TRIM10: variants seen among roughly 807,000 people sequenced by gnomAD.
TRIM10 encodes tripartite motif containing 10, also known as tripartite motif-containing protein 10.
A neutral mutation model predicts 40.0 loss-of-function variants in TRIM10; 42 were observed. The observed-to-expected ratio is 1.05, with a 90% CI of 0.82 to 1.36. The LOEUF is 1.36. Ranked by LOEUF, TRIM10 falls within the 40% of genes most tolerant of loss-of-function variation. TRIM10 has a pLI of 0.00. For missense variants in TRIM10, 601 were observed against 608.3 expected (o/e 0.99, Z 0.13); for synonymous variants, 260 against 239.5 (o/e 1.09, Z -0.79).
In TRIM10 at chr6:30,153,898, G is replaced by C. The variant is rs1413860881; in HGVS notation, c.*71C>G. The C allele has an allele frequency of 6.3e-7, 1 of 1,584,674 alleles. No individual in the cohort carries two copies. The highest frequency in any genetic ancestry group is 2.2e-5 in the East Asian group (1 of 44,502). On this transcript the variant is annotated 3_prime_UTR_variant, in exon 7 of 7. Coordinates refer to ENST00000449742, the MANE Select transcript of TRIM10 (RefSeq NM_006778.4). ...CAAGTCATCCAGGTGATTCAGCCAG[G>C]GATCAAGTCCACATGGTACTTGGGT...
rs978098251 is a variant in TRIM10 at position 30,157,447 on chromosome 6, T to G, written c.757-56A>C. On this transcript the variant is annotated intron_variant, in intron 3 of 6. Coordinates refer to ENST00000449742, the MANE Select transcript of TRIM10 (RefSeq NM_006778.4). ...TCCAGCTTCTCCTTTCCATTTTTCT[T>G]TCCTTTCTTTTTCTACTTTTATTTT... 9 of 1,510,864 alleles carry G rather than the reference T, an allele frequency of 6.0e-6. No homozygotes were observed. In the African/African-American group the frequency reaches 1.3e-4, roughly 21 times the overall value. 93.6% of individuals were successfully genotyped at this position (1,510,864 alleles called of 1,614,324 possible). A position where few individuals can be genotyped will look rare whatever the true frequency, so the allele number is the denominator to read the frequency against.
chr6:30,161,286 C>A (rs1773067063), upstream of TRIM10, among the ~76,000 whole-genome samples: 1 of 152,130 alleles, frequency 6.6e-6, no homozygotes, highest in Non-Finnish European at 1.5e-5. Context: ...TGCCATATGG[C>A]CAGCTGTCTC....
chr6:30,156,346 T>C (rs755604808), intron 5 of TRIM10, among the ~76,000 whole-genome samples: 63 of 152,172 alleles, frequency 4.1e-4, no homozygotes, highest in Non-Finnish European at 7.1e-4. Context: ...CATTCTGTCA[T>C]GGTTAGTGAG....
chr6:30,161,398 C>G (rs1277748462), upstream of TRIM10, among the ~76,000 whole-genome samples: 1 of 152,128 alleles, frequency 6.6e-6, no homozygotes, highest in South Asian at 2.1e-4. Context: ...TACACTGCAC[C>G]AGCAACTTCA....
At chr6:30,154,676 A>G in intron 6 of TRIM10, 190 bp from the exon 7 acceptor site, 2 of 752,098 alleles carry the variant, frequency 2.7e-6, no homozygotes, top group Non-Finnish European at 4.6e-6. Context: ...TCTGCATCCT[A>G]ACAAGATGCC....
In TRIM10 at chr6:30,154,014, GA is replaced by G. The variant is rs1562113232; in HGVS notation, c.1400del (p.Phe467SerfsTer13). The G allele has an allele frequency of 2.5e-6, 4 of 1,609,064 alleles. No individual in the cohort carries two copies. Among genetic ancestry groups the G allele is most frequent in the Non-Finnish European group, 3.4e-6 (4 of 1,176,754 alleles). ...TGGACCCTCGGCCCCAGAGCCCAAA[GA>G]AGGGAATGACCTTCCTAGTGAAGGA... ...TASFTRKVIPFFGLWGRGSSF... is the reference protein window; with the variant it reads ...TASFTRKVIPXFGLWGRGSSF... On this transcript the variant is annotated frameshift_variant, in exon 7 of 7. Transcript: ENST00000449742. LOFTEE classifies it high-confidence loss of function.
intron 5 of TRIM10, among the ~76,000 whole-genome samples, chr6:30,156,580 TC>T (rs1772550182): frequency 6.6e-6 from 1 of 152,246 alleles, no homozygotes; most frequent in Non-Finnish European, 1.5e-5. Flanking sequence ...TTAACAATGT[TC>T]ATCATCAAAA....
Position 30,160,651 on chromosome 6 carries a change from G to C in TRIM10, c.208C>G (p.Arg70Gly). The C allele has an allele frequency of 6.2e-7, 1 of 1,614,238 alleles. No individual in the cohort carries two copies. The highest frequency in any genetic ancestry group is 8.5e-7 in the Non-Finnish European group (1 of 1,180,042). ...ACGTTAGCCAGCTGCCAGTTGGGCC[G>C]GAAGCTCCCAGGACGGAAGGGTTCT... ...CKEPFRPGSF[R>G]PNWQLANVVE... The change falls in exon 1 of 7, where the codon CGG (arginine) becomes GGG (glycine). Residue 70 changes from arginine (R) to glycine (G), a missense_variant. Transcript: ENST00000449742.
intron 4 of TRIM10, 69 bp from the exon 5 acceptor site, chr6:30,157,123 A>C: frequency 6.8e-7 from 1 of 1,465,960 alleles, no homozygotes; most frequent in South Asian, 1.2e-5. Context: ...TCAGCTGGTC[A>C]TCTTCTAATA....
upstream of TRIM10, among the ~76,000 whole-genome samples, chr6:30,162,046 C>CGGG (rs554862512): frequency 9.7e-4 from 104 of 107,726 alleles, 1 homozygote; most frequent in South Asian, 0.028. Context: ...GAGGCCTAGG[C>CGGG]GGGCGGATCA....
intron 6 of TRIM10, among the ~76,000 whole-genome samples, chr6:30,154,952 A>T (rs1772386985): frequency 1.3e-5 from 2 of 151,890 alleles, no homozygotes; most frequent in South Asian, 2.1e-4. Context: ...GGCACTGGTG[A>T]CTCATTTACA....
At chr6:30,162,137 G>C (rs963841978), upstream of TRIM10, among the ~76,000 whole-genome samples, 2 of 151,920 alleles carry the variant, frequency 1.3e-5, no homozygotes, top group African/African-American at 2.4e-5. Flanking sequence ...TTAGCCTGGC[G>C]TGCTGGCCGG....
chr6:30,157,264 A>G, intron 4 of TRIM10, 105 bp downstream of exon 4: 1 of 1,249,198 alleles, frequency 8.0e-7, no homozygotes, highest in Non-Finnish European at 1.1e-6. Context: ...GTAAATTTGT[A>G]TCCTTAAGTG....
At chr6:30,154,630 A>G (rs1772357485) in intron 6 of TRIM10, 144 bp from the exon 7 acceptor site, 2 of 1,007,752 alleles carry the variant, frequency 2.0e-6, no homozygotes, top group Non-Finnish European at 3.0e-6. Flanking sequence ...ACAGTGTGGA[A>G]CCACCTGGGA....
At chr6:30,160,409 C>T (rs1227090390) in intron 1 of TRIM10, 21 bp downstream of exon 1, 1 of 1,604,400 alleles carries the variant, frequency 6.2e-7, no homozygotes, top group Admixed American at 1.7e-5. Flanking sequence ...ACCCTGGGAT[C>T]CCCCAGTTCC....
At position 30,160,818 on chromosome 6, in the gene TRIM10, A is replaced by C; in HGVS notation, c.41T>G (p.Val14Gly). 2 of 1,613,220 alleles carry C rather than the reference A, an allele frequency of 1.2e-6. No homozygotes were observed. Among genetic ancestry groups the C allele is most frequent in the Non-Finnish European group, 1.7e-6 (2 of 1,179,860 alleles). ...GGTACCCTGACAGATGGGGCAGTTG[A>C]CTTCATCTGCCAGGCTGGTCACAGA... Reference protein sequence around the residue: ...AASVTSLADEVNCPICQGTLR... With the variant: ...AASVTSLADEGNCPICQGTLR... Residue 14 changes from valine to glycine, a missense_variant, in exon 1 of 7, where the codon GTC becomes GGC. By Grantham distance (109) the Val-to-Gly change is moderately radical. Coordinates refer to ENST00000449742, the MANE Select transcript of TRIM10 (RefSeq NM_006778.4).
chr6:30,153,501 C>A lies in TRIM10; in HGVS notation c.*468G>T. 1.7e-6 allele frequency: 1 copy of A among 600,130 alleles called. No homozygotes were observed. The highest frequency in any genetic ancestry group is 2.9e-6 in the Non-Finnish European group (1 of 340,302). 37.2% of individuals were successfully genotyped at this position (600,130 alleles called of 1,614,324 possible). On this transcript the variant is annotated 3_prime_UTR_variant, in exon 7 of 7. Coordinates refer to ENST00000449742, the MANE Select transcript of TRIM10 (RefSeq NM_006778.4). ...CTCTATATTTTCAAGTCACCAGTGG[C>A]CACCACACTGCTTGGTTCATAGTTA...
intron 5 of TRIM10, among the ~76,000 whole-genome samples, chr6:30,156,022 C>G (rs572939192): frequency 6.6e-6 from 1 of 152,342 alleles, no homozygotes; most frequent in South Asian, 2.1e-4. Flanking sequence ...GCTGCTGCTG[C>G]TGGTGGGAGC....
chr6:30,158,764 G>T, intron 2 of TRIM10, 135 bp from the exon 3 acceptor site: 1 of 754,618 alleles, frequency 1.3e-6, no homozygotes, highest in Non-Finnish European at 2.2e-6. Context: ...ATTTCGAGAA[G>T]CAAGACTCAC....
Sources: gnomAD v4.1 joint callset for allele counts (sites outside exome capture counted in the v4.1 genomes callset) on GRCh38, gnomAD v4.1.1 for gene constraint, MANE v1.5 for transcripts, NCBI Gene and HGNC (gene_info 2026-07-23, HGNC 2026-07-21) for gene names.